DDR2: variants seen among roughly 807,000 people sequenced by gnomAD.
DDR2 encodes the protein discoidin domain receptor tyrosine kinase 2, also known as discoidin domain-containing receptor 2.
A neutral mutation model predicts 94.9 loss-of-function variants in DDR2; 27 were observed. The ratio of observed to expected loss-of-function variants is 0.28; its 90% CI spans 0.21 to 0.39. The LOEUF (loss-of-function observed/expected upper bound fraction) is 0.39, where lower values mean the gene tolerates loss of function less well. Among genes scored for constraint, DDR2 ranks in the 10% least tolerant of loss-of-function variants. DDR2 has a pLI of 1.00. For missense variants in DDR2, 783 were observed against 1,076.0 expected (o/e 0.73, Z 3.81); for synonymous variants, 382 against 377.2 (o/e 1.01, Z -0.15).
intron 2 of DDR2, among the ~76,000 whole-genome samples, chr1:162,687,929 T>C (rs193173138): frequency 6.6e-6 from 1 of 152,304 alleles, no homozygotes; most frequent in Admixed American, 6.5e-5. Context: ...CAGGACACCA[T>C]GTAGGTGAGC....
chr1:162,688,527 C>A (rs1382517532), intron 2 of DDR2, among the ~76,000 whole-genome samples: 1 of 152,194 alleles, frequency 6.6e-6, no homozygotes, highest in Non-Finnish European at 1.5e-5. Flanking sequence ...TACCTTGGAG[C>A]CTAAGCTCTT....
chr1:162,671,914 A>G (rs1283610082), intron 2 of DDR2, among the ~76,000 whole-genome samples: 4 of 152,080 alleles, frequency 2.6e-5, no homozygotes, highest in Non-Finnish European at 4.4e-5. Flanking sequence ...TACCCTGTCT[A>G]TTCCCATGAT....
At chr1:162,659,523 G>A (rs979642144) in intron 2 of DDR2, among the ~76,000 whole-genome samples, 1 of 152,106 alleles carries the variant, frequency 6.6e-6, no homozygotes, top group African/African-American at 2.4e-5. Flanking sequence ...AGTGGTGGAA[G>A]ATAATACTGG....
rs546185278 is a variant in DDR2, at chr1:162,679,844, G to A, written c.-28+24470G>A. ...TAGCTATTCTGATGAGTATGAGATG[G>A]TATCTTATTATGGTTTTGATTTGCA... On this transcript the variant is annotated intron_variant, in intron 2 of 17. Coordinates refer to ENST00000367921, the MANE Select transcript of DDR2 (RefSeq NM_006182.4). Among the ~76,000 whole-genome samples the A allele has an allele frequency of 1.3e-4, 20 of 151,732 alleles. No individual in the cohort carries two copies. In the East Asian group the frequency reaches 3.7e-3, roughly 28 times the overall value.
At chr1:162,749,706 C>T (rs1371079246) in intron 3 of DDR2, among the ~76,000 whole-genome samples, 11 of 151,758 alleles carry the variant, frequency 7.2e-5, no homozygotes. Flanking sequence ...ACAACAACAA[C>T]AAAAAAGAGA....
At chr1:162,718,898 G>A (rs759230566) in intron 2 of DDR2, 139 bp from the exon 3 acceptor site, 15 of 776,822 alleles carry the variant, frequency 1.9e-5, no homozygotes, top group South Asian at 3.1e-5. Context: ...TCTGTGATTC[G>A]AAGTCCCATA....
Position 162,773,567 on chromosome 1 carries a change from G to T in DDR2, c.1827G>T (p.Met609Ile). 2 of 1,614,030 alleles carry T rather than the reference G, an allele frequency of 1.2e-6. No individual in the cohort carries two copies. Among genetic ancestry groups the T allele is most frequent in the East Asian group, 2.2e-5 (1 of 44,866 alleles). ...ANQPVLVAVK[M>I]LRADANKNAR... ...AGCCTGTCCTGGTGGCTGTGAAAATGCTCCGAGCAGATGCCAACAAGAATG... is the reference window on the plus strand; with the variant it reads ...AGCCTGTCCTGGTGGCTGTGAAAATTCTCCGAGCAGATGCCAACAAGAATG... The change falls in exon 14 of 18, where the codon ATG becomes ATT. Residue 609 changes from methionine to isoleucine, a missense_variant. Around this residue, in one of 2 missense-constraint regions of DDR2, gnomAD observed 264 missense variants for 428.2 expected, o/e 0.62. Coordinates refer to ENST00000367921, the MANE Select transcript of DDR2 (RefSeq NM_006182.4).
At chr1:162,711,234 A>G (rs575201104) in intron 2 of DDR2, among the ~76,000 whole-genome samples, 1 of 152,310 alleles carries the variant, frequency 6.6e-6, no homozygotes, top group East Asian at 1.9e-4. Context: ...GGAACCCAGC[A>G]CTGGATTCTT....
intron 3 of DDR2, among the ~76,000 whole-genome samples, chr1:162,729,606 T>G (rs374891892): frequency 2.0e-5 from 3 of 150,524 alleles, no homozygotes; most frequent in Non-Finnish European, 4.4e-5. Flanking sequence ...TGTTGTGTCG[T>G]CATGACCAGC....
intron 2 of DDR2, chr1:162,704,970 G>A (rs1660596195): frequency 6.6e-6 from 1 of 152,250 alleles, no homozygotes; most frequent in South Asian, 2.1e-4. Flanking sequence ...ATCATTGAGA[G>A]AAAAAGGACC....
At chr1:162,733,318 G>T (rs2102065314) in intron 3 of DDR2, among the ~76,000 whole-genome samples, 1 of 152,312 alleles carries the variant, frequency 6.6e-6, no homozygotes, top group East Asian at 1.9e-4. Context: ...TTCCACAGAA[G>T]GAGTTTACCC....
intron 2 of DDR2, among the ~76,000 whole-genome samples, chr1:162,674,664 G>A (rs1036984812): frequency 5.9e-5 from 9 of 152,068 alleles, no homozygotes; most frequent in African/African-American, 2.2e-4. Flanking sequence ...TGTTCTTTTG[G>A]ACACACAATT....
intron 3 of DDR2, among the ~76,000 whole-genome samples, chr1:162,741,172 T>C (rs904512550): frequency 3.5e-5 from 5 of 142,726 alleles, no homozygotes; most frequent in Non-Finnish European, 7.5e-5. Context: ...TATAATATAA[T>C]ATAATATAAT....
Position 162,780,119 on chromosome 1 carries a change from T to G in DDR2, c.2441T>G (p.Leu814Arg), listed in dbSNP as rs1245458324. 1.2e-6 allele frequency: 2 copies of G among 1,613,926 alleles called. No homozygotes were observed. Among genetic ancestry groups the G allele is most frequent in the South Asian group, 2.2e-5 (2 of 91,080 alleles). ...TTATTTTTGTTCCCAAAGACTTACCTCCCTCAACCAGCCATTTGTCCTGAC... is the reference window on the plus strand; with the variant it reads ...TTATTTTTGTTCCCAAAGACTTACCGCCCTCAACCAGCCATTTGTCCTGAC... ...FFRDQGRQTY[L>R]PQPAICPDSV... Residue 814 changes from leucine (L) to arginine (R), a missense_variant, in exon 18 of 18, where the codon CTC (leucine) becomes CGC (arginine). This residue lies in a region of DDR2 where 264 missense variants were observed against 428.2 expected (regional missense o/e 0.62). Coordinates refer to ENST00000367921, the MANE Select transcript of DDR2 (RefSeq NM_006182.4).
intron 2 of DDR2, among the ~76,000 whole-genome samples, chr1:162,664,139 T>C (rs1658434336): frequency 6.6e-6 from 1 of 152,136 alleles, no homozygotes; most frequent in Admixed American, 6.6e-5. Context: ...ATCTGGACTT[T>C]TATTTTGCTA....
At chr1:162,774,986 G>T (rs1647449249) in intron 14 of DDR2, among the ~76,000 whole-genome samples, 1 of 152,118 alleles carries the variant, frequency 6.6e-6, no homozygotes, top group South Asian at 2.1e-4. Flanking sequence ...ACAAAATCTT[G>T]CTACTTTATG....
In DDR2 at chr1:162,759,692, C is replaced by T. The variant is rs113533709; in HGVS notation, c.672-104C>T. 2.4e-3 allele frequency: 3,174 copies of T among 1,295,620 alleles called. 64 individuals carry two copies. In the African/African-American group the frequency reaches 0.04, roughly 16 times the overall value. 80.3% of individuals were successfully genotyped at this position (1,295,620 alleles called of 1,614,324 possible). A position where few individuals can be genotyped will look rare whatever the true frequency, so the allele number is the denominator to read the frequency against. On this transcript the variant is annotated intron_variant, in intron 7 of 17. Coordinates refer to ENST00000367921, the MANE Select transcript of DDR2 (RefSeq NM_006182.4). ...TCCTTCAATTCCAAGATAATAAGCT[C>T]ATACAAAATCTGGAGTGAAGATGCC...
chr1:162,692,865 G>C (rs1660019650), intron 2 of DDR2, among the ~76,000 whole-genome samples: 1 of 152,128 alleles, frequency 6.6e-6, no homozygotes, highest in South Asian at 2.1e-4. Flanking sequence ...TTACCTAAAA[G>C]TATGTACTGG....
At chr1:162,688,612 A>G (rs968598890) in intron 2 of DDR2, among the ~76,000 whole-genome samples, 1 of 152,244 alleles carries the variant, frequency 6.6e-6, no homozygotes, top group African/African-American at 2.4e-5. Flanking sequence ...GAACATTTAT[A>G]CATGTCTCTA....
Sources: allele counts gnomAD v4.1 joint callset (sites outside exome capture counted in the v4.1 genomes callset), GRCh38; gene constraint gnomAD v4.1.1; regional missense constraint gnomAD v4.1.1; transcripts MANE v1.5; gene names NCBI Gene and HGNC (gene_info 2026-07-23, HGNC 2026-07-21).